STARD13: variants seen among roughly 807,000 people sequenced by gnomAD.
The protein encoded by STARD13 is stAR-related lipid transfer protein 13.
A neutral mutation model predicts 106.4 loss-of-function variants in STARD13; 62 were observed. The observed-to-expected ratio is 0.58, with a 90% CI of 0.48 to 0.72. The LOEUF is 0.72. Ranked by LOEUF, STARD13 falls within the 30% of genes least tolerant of loss-of-function variation. The pLI, the probability that STARD13 is intolerant of heterozygous loss-of-function variation, is 0.00. For synonymous variants in STARD13, 565 were observed against 553.0 expected, an observed-to-expected ratio of 1.02 and a Z score of -0.31; for missense variants, 1,387 against 1,424.0, an observed-to-expected ratio of 0.97 and a Z score of 0.42.
intron 1 of STARD13, among the ~76,000 whole-genome samples, chr13:33,236,898 C>A (rs185721683): frequency 2.6e-5 from 4 of 152,316 alleles, no homozygotes; most frequent in Admixed American, 2.6e-4. Flanking sequence ...ATTCCTTTCT[C>A]TTAAACATTT....
chr13:33,529,366 A>C, the STARD13 span, among the ~76,000 whole-genome samples: 1 of 152,180 alleles, frequency 6.6e-6, no homozygotes, highest in Non-Finnish European at 1.5e-5. Flanking sequence ...TTGTAGTTTC[A>C]TGCCTTTATT....
chr13:33,276,214 G>C (rs965816787), intron 1 of STARD13: 1 of 152,188 alleles, frequency 6.6e-6, no homozygotes, highest in African/African-American at 2.4e-5. Flanking sequence ...CTATCTGAAA[G>C]AGACCAATGG....
At chr13:33,499,496 C>CTCCTTCTTCT in the STARD13 span, among the ~76,000 whole-genome samples, 2 of 58,834 alleles carry the variant, frequency 3.4e-5, no homozygotes, top group Non-Finnish European at 6.1e-5. Context: ...GTCTTTTCTC[C>CTCCTTCTTCT]TTCTTCTTCT....
At position 33,189,854 on chromosome 13, in the gene STARD13, T is replaced by C. The variant is rs543591190; in HGVS notation, c.170-22232A>G. Among the ~76,000 whole-genome samples the C allele has an allele frequency of 3.9e-5, 6 of 152,174 alleles. No individual in the cohort carries two copies. In the East Asian group the frequency reaches 1.2e-3, roughly 29 times the overall value. ...GCAGGAGTTCAGCAGAAGTCACTGA[T>C]TGAAATGTACCACCTGAAACAGCAT... is the stretch of plus-strand genomic sequence containing the variant. On this transcript the variant is annotated intron_variant, in intron 1 of 13. Coordinates refer to ENST00000336934, the MANE Select transcript of STARD13 (RefSeq NM_178006.4).
chr13:33,339,253 T>C (rs1566147863), intron 1 of STARD13, among the ~76,000 whole-genome samples: 3 of 152,212 alleles, frequency 2.0e-5, no homozygotes, highest in Admixed American at 6.5e-5. Context: ...TTCAAACTCA[T>C]GTAGCTTTGA....
At chr13:33,559,796 G>A in the STARD13 span, among the ~76,000 whole-genome samples, 1 of 151,498 alleles carries the variant, frequency 6.6e-6, no homozygotes, top group Non-Finnish European at 1.5e-5. Context: ...GGTGGACGTT[G>A]CAGTGAGCCA....
chr13:33,341,429 G>A (rs2077958963), intron 1 of STARD13, among the ~76,000 whole-genome samples: 1 of 152,002 alleles, frequency 6.6e-6, no homozygotes, highest in Non-Finnish European at 1.5e-5. Context: ...ACAAGGTCAG[G>A]ATATCAAGAC....
intron 1 of STARD13, among the ~76,000 whole-genome samples, chr13:33,228,060 C>A (rs1392873645): frequency 6.6e-6 from 1 of 152,162 alleles, no homozygotes; most frequent in African/African-American, 2.4e-5. Flanking sequence ...GAACATTTGA[C>A]TTGGATTTGT....
intron 1 of STARD13, among the ~76,000 whole-genome samples, chr13:33,201,409 A>G (rs1474977873): frequency 6.6e-6 from 1 of 152,170 alleles, no homozygotes; most frequent in East Asian, 1.9e-4. Flanking sequence ...TCCCAATGTA[A>G]CATGCAGAAT....
intron 1 of STARD13, among the ~76,000 whole-genome samples, chr13:33,171,664 A>G (rs541178249): frequency 2.0e-5 from 3 of 152,332 alleles, no homozygotes; most frequent in African/African-American, 7.2e-5. Flanking sequence ...GTCTAAGGAG[A>G]CCAATAGTCA....
At chr13:33,363,256 A>G in the STARD13 span, among the ~76,000 whole-genome samples, 1 of 152,128 alleles carries the variant, frequency 6.6e-6, no homozygotes, top group Non-Finnish European at 1.5e-5. Context: ...CATGAACCAG[A>G]CTTTCAAAAC....
the STARD13 span, among the ~76,000 whole-genome samples, chr13:33,474,859 C>T: frequency 6.6e-6 from 1 of 152,094 alleles, no homozygotes; most frequent in African/African-American, 2.4e-5. Flanking sequence ...CAAAAATCCC[C>T]CTGCATTTAA....
At chr13:33,235,089 G>A (rs1734014218) in intron 1 of STARD13, among the ~76,000 whole-genome samples, 1 of 152,246 alleles carries the variant, frequency 6.6e-6, no homozygotes, top group African/African-American at 2.4e-5. Flanking sequence ...CATCAGGAAT[G>A]CTTGAGTCCC....
intron 1 of STARD13, among the ~76,000 whole-genome samples, chr13:33,203,918 G>A (rs569712467): frequency 6.6e-6 from 1 of 152,270 alleles, no homozygotes; most frequent in South Asian, 2.1e-4. Context: ...ATGTCTTACT[G>A]ACATTTGAAA....
chr13:33,374,951 A>G, the STARD13 span, among the ~76,000 whole-genome samples: 1 of 152,186 alleles, frequency 6.6e-6, no homozygotes, highest in Non-Finnish European at 1.5e-5. Flanking sequence ...GGTGATGCCA[A>G]TTCCACTCTT....
the STARD13 span, among the ~76,000 whole-genome samples, chr13:33,618,488 C>T: frequency 6.7e-6 from 1 of 149,242 alleles, no homozygotes; most frequent in South Asian, 2.1e-4. Context: ...CCCATCCCTT[C>T]AGTAATCCAA....
the STARD13 span, among the ~76,000 whole-genome samples, chr13:33,573,761 A>G: frequency 1.4e-3 from 213 of 152,266 alleles, no homozygotes; most frequent in African/African-American, 4.9e-3. Context: ...CCCTTGTTCA[A>G]TTGGGGAAAC....
At chr13:33,332,717 T>C (rs1341813443) in intron 1 of STARD13, among the ~76,000 whole-genome samples, 1 of 152,190 alleles carries the variant, frequency 6.6e-6, no homozygotes, top group East Asian at 1.9e-4. Flanking sequence ...TAGCACCCCC[T>C]TTCAGTCTCC....
the STARD13 span, among the ~76,000 whole-genome samples, chr13:33,630,732 C>T: frequency 1.3e-5 from 2 of 152,162 alleles, no homozygotes; most frequent in Non-Finnish European, 2.9e-5. Flanking sequence ...GCCGGTAGAG[C>T]CACCTACTGA....
Sources: gnomAD v4.1 joint callset for allele counts (sites outside exome capture counted in the v4.1 genomes callset) on GRCh38, gnomAD v4.1.1 for gene constraint, MANE v1.5 for transcripts, NCBI Gene and HGNC (gene_info 2026-07-23, HGNC 2026-07-21) for gene names.